Variants in RGS22 observed in about 807,000 individuals in gnomAD.
The protein encoded by RGS22 is regulator of G-protein signaling 22.
Under a neutral mutation model 172.9 loss-of-function variants are expected in RGS22, and 148 were observed. The ratio of observed to expected loss-of-function variants is 0.86; its 90% CI spans 0.75 to 0.98. The LOEUF is 0.98. RGS22 is among the 50% of genes least tolerant of loss of function. The pLI is 0.00. For missense variants in RGS22, 1,347 were observed against 1,440.8 expected, an observed-to-expected ratio of 0.93 and a Z score of 1.05; for synonymous variants, 458 against 480.2, an observed-to-expected ratio of 0.95 and a Z score of 0.60.
intron 7 of RGS22, 104 bp from the exon 8 acceptor site, chr8:100,064,147 G>T: frequency 1.2e-6 from 1 of 848,908 alleles, no homozygotes; most frequent in Non-Finnish European, 1.7e-6. Flanking sequence ...TTTATCATAG[G>T]TAGTGACTGC....
chr8:100,022,362 T>A (rs1364824199), intron 14 of RGS22, among the ~76,000 whole-genome samples: 7 of 152,066 alleles, frequency 4.6e-5, no homozygotes, highest in Non-Finnish European at 1.0e-4. Context: ...GTAAAACAAT[T>A]TGAATCATTT....
chr8:99,962,864 T>G, intron 25 of RGS22, 21 bp downstream of exon 25: 1 of 1,584,420 alleles, frequency 6.3e-7, no homozygotes, highest in South Asian at 1.2e-5. Flanking sequence ...AGTAAACTTG[T>G]AGGCAGAAGG....
At chr8:99,976,025 A>G (rs567987692) in intron 23 of RGS22, among the ~76,000 whole-genome samples, 25 of 152,182 alleles carry the variant, frequency 1.6e-4, no homozygotes, top group African/African-American at 5.5e-4. Flanking sequence ...CCCTGTCTCT[A>G]CTAAAAATAC....
chr8:100,001,232 A>T (rs1350051889), intron 18 of RGS22, among the ~76,000 whole-genome samples: 4 of 130,854 alleles, frequency 3.1e-5, no homozygotes, highest in Non-Finnish European at 6.5e-5. Context: ...ATATATATAT[A>T]TACATTTTTT....
chr8:100,080,125 C>T lies in RGS22; in HGVS notation c.339+9G>A. On this transcript the variant is annotated intron_variant, in intron 4 of 27. Transcript: ENST00000360863. ...CTATCTAACAAGATAAAACAGTATA[C>T]TTTCTTACCATAATATTGTAGTTGA... is the stretch of plus-strand genomic sequence containing the variant. 1.3e-6 allele frequency: 2 copies of T among 1,567,590 alleles called. No individual in the cohort carries two copies. The highest frequency in any genetic ancestry group is 1.4e-5 in the African/African-American group (1 of 73,694).
chr8:100,031,156 T>C (rs891725833), intron 14 of RGS22, among the ~76,000 whole-genome samples: 1 of 152,152 alleles, frequency 6.6e-6, no homozygotes, highest in Non-Finnish European at 1.5e-5. Context: ...ATTATCACTA[T>C]CCATATTTTA....
intron 23 of RGS22, among the ~76,000 whole-genome samples, chr8:99,965,813 A>G (rs962803431): frequency 3.9e-5 from 6 of 152,124 alleles, no homozygotes; most frequent in African/African-American, 1.4e-4. Flanking sequence ...TACAAATAGA[A>G]TCTAACTACG....
chr8:100,012,219 C>T (rs926305769), intron 14 of RGS22, among the ~76,000 whole-genome samples: 1 of 152,026 alleles, frequency 6.6e-6, no homozygotes, highest in Non-Finnish European at 1.5e-5. Flanking sequence ...AGGTCAAAAT[C>T]AGGGTAGTGA....
At chr8:99,997,492 C>T (rs1454755525) in intron 19 of RGS22, among the ~76,000 whole-genome samples, 2 of 152,154 alleles carry the variant, frequency 1.3e-5, no homozygotes, top group Non-Finnish European at 2.9e-5. Flanking sequence ...CTTCTTCATA[C>T]TATAAATTCT....
chr8:100,086,773 G>A (rs543906864), intron 3 of RGS22, among the ~76,000 whole-genome samples: 2 of 152,218 alleles, frequency 1.3e-5, no homozygotes, highest in South Asian at 2.1e-4. Flanking sequence ...AAAATCTCTG[G>A]GGAAGGAGCT....
Position 99,993,739 on chromosome 8 carries a change from G to C in RGS22, c.3018+2723C>G, listed in dbSNP as rs541681251. On this transcript the variant is annotated intron_variant, in intron 20 of 27. Coordinates refer to ENST00000360863, the MANE Select transcript of RGS22 (RefSeq NM_015668.5). ...GAAACTATTCCAATCAATAGAAAAAGAGGGAATCCTTCCTAACTCGTTTTA... is the reference window on the plus strand; with the variant it reads ...GAAACTATTCCAATCAATAGAAAAACAGGGAATCCTTCCTAACTCGTTTTA... Among the ~76,000 whole-genome samples, 2 of 152,292 alleles carry C rather than the reference G, an allele frequency of 1.3e-5. 1 individual carries two copies. Among genetic ancestry groups the C allele is most frequent in the African/African-American group, 4.8e-5 (2 of 41,568 alleles).
chr8:100,045,940 G>C (rs765258516), intron 11 of RGS22, among the ~76,000 whole-genome samples: 25 of 151,664 alleles, frequency 1.6e-4, no homozygotes, highest in East Asian at 1.9e-4. Context: ...ACAATGTCAC[G>C]TCCATCAATA....
At chr8:100,037,036 A>G (rs1330298492) in intron 14 of RGS22, among the ~76,000 whole-genome samples, 1 of 152,236 alleles carries the variant, frequency 6.6e-6, no homozygotes, top group African/African-American at 2.4e-5. Context: ...ATACCATAAA[A>G]TGAATCTCTA....
At chr8:99,975,845 G>A (rs1811870055) in intron 23 of RGS22, among the ~76,000 whole-genome samples, 2 of 152,174 alleles carry the variant, frequency 1.3e-5, no homozygotes, top group African/African-American at 4.8e-5. Flanking sequence ...ACCTCACCCA[G>A]CTGATTCTCT....
chr8:99,962,666 T>G, intron 26 of RGS22, 21 bp downstream of exon 26: 1 of 1,580,270 alleles, frequency 6.3e-7, no homozygotes, highest in Non-Finnish European at 8.6e-7. Context: ...CAACTGAAGA[T>G]AGACTACACT....
intron 14 of RGS22, among the ~76,000 whole-genome samples, chr8:100,034,449 C>T (rs543501341): frequency 1.3e-5 from 2 of 152,240 alleles, no homozygotes; most frequent in African/African-American, 4.8e-5. Flanking sequence ...TAAATCACTG[C>T]TCAACGAAAT....
chr8:100,081,594 G>T (rs1352442122), intron 3 of RGS22, among the ~76,000 whole-genome samples: 1 of 151,828 alleles, frequency 6.6e-6, no homozygotes, highest in East Asian at 1.9e-4. Flanking sequence ...TTCTTCAATA[G>T]ATATATTTCA....
At chr8:99,994,191 T>C (rs188225574) in intron 20 of RGS22, among the ~76,000 whole-genome samples, 1 of 152,210 alleles carries the variant, frequency 6.6e-6, no homozygotes, top group Non-Finnish European at 1.5e-5. Flanking sequence ...AGCATTCCCT[T>C]TGAAAATCGG....
chr8:100,067,185 GGAA>G (rs1810593300), intron 6 of RGS22, among the ~76,000 whole-genome samples: 1 of 152,108 alleles, frequency 6.6e-6, no homozygotes, highest in South Asian at 2.1e-4. Context: ...TACCTCAAAT[GGAA>G]GAAAAATTAC....
Sources: gnomAD v4.1 joint callset for allele counts (sites outside exome capture counted in the v4.1 genomes callset) on GRCh38, gnomAD v4.1.1 for gene constraint, MANE v1.5 for transcripts, NCBI Gene and HGNC (gene_info 2026-07-23, HGNC 2026-07-21) for gene names.